GRM7: variants seen among roughly 807,000 people sequenced by gnomAD.
GRM7 encodes metabotropic glutamate receptor 7.
A neutral mutation model predicts 84.5 loss-of-function variants in GRM7; 35 were observed. That is an observed-to-expected ratio of 0.41 (90% CI 0.32 to 0.55). The LOEUF (loss-of-function observed/expected upper bound fraction) is 0.55, where lower values mean the gene tolerates loss of function less well. Among genes scored for constraint, GRM7 ranks in the 20% least tolerant of loss-of-function variants. GRM7 has a pLI of 0.19. For missense variants in GRM7, 1,003 were observed against 1,194.6 expected (o/e 0.84, Z 2.36); for synonymous variants, 487 against 455.1 (o/e 1.07, Z -0.89).
At position 7,151,415 on chromosome 3, in the gene GRM7, C is replaced by CAACA. The variant is rs769071807; in HGVS notation, c.736+4764_736+4767dup. On this transcript the variant is annotated intron_variant, in intron 2 of 9. Coordinates refer to ENST00000357716, the MANE Select transcript of GRM7 (RefSeq NM_000844.4). This position sits in a 1 kb window ranked among gnomAD's most constrained non-coding sequence, Gnocchi z 4.5. ...GAGCAAGACTCTGTCTCAAAACAAA[C>CAACA]AACAAACAAACAAACAAACATACAA... 1.1e-4 allele frequency among the ~76,000 whole-genome samples: 16 copies of CAACA among 152,070 alleles called. No homozygotes were observed. Among genetic ancestry groups the CAACA allele is most frequent in the East Asian group, 3.9e-4 (2 of 5,136 alleles).
At position 7,641,916 on chromosome 3, in the gene GRM7, A is replaced by G. The variant is rs149363413; in HGVS notation, c.2452-38133A>G. 6.6e-4 allele frequency among the ~76,000 whole-genome samples: 99 copies of G among 149,802 alleles called. 1 individual carries two copies. The highest frequency in any genetic ancestry group is 2.1e-3 in the African/African-American group (87 of 40,504). On this transcript the variant is annotated intron_variant, in intron 8 of 9. Transcript: ENST00000357716. ...TTCTATGAGCTCACACTCTCCTACCATGTTTACTTTGAAATCAAGATGGGG... is the reference window on the plus strand; with the variant it reads ...TTCTATGAGCTCACACTCTCCTACCGTGTTTACTTTGAAATCAAGATGGGG...
intron 8 of GRM7, among the ~76,000 whole-genome samples, chr3:7,674,064 T>C (rs1289097426): frequency 2.0e-5 from 3 of 152,008 alleles, no homozygotes; most frequent in Admixed American, 6.5e-5. Context: ...GGATTGAGCA[T>C]CAAATATAAC....
rs1694758446 is a variant in GRM7 at position 6,861,613 on chromosome 3, G to A, written c.225G>A (p.Gly75=). 1.9e-6 allele frequency: 3 copies of A among 1,612,682 alleles called. No homozygotes were observed. The highest frequency in any genetic ancestry group is 1.3e-5 in the African/African-American group (1 of 74,892). Reference sequence around the variant, plus strand: ...GCGGCGACATCAAGAGGGAAAACGGGATCCACAGGCTGGAAGCGATGCTCT... The same window carrying A: ...GCGGCGACATCAAGAGGGAAAACGGAATCCACAGGCTGGAAGCGATGCTCT... ...VPCGDIKREN[G]IHRLEAMLYA... is the part of the protein sequence containing the mutation. The change falls in exon 1 of 10, where the codon GGG becomes GGA. Residue 75 remains glycine (G), a synonymous_variant. Coordinates refer to ENST00000357716, the MANE Select transcript of GRM7 (RefSeq NM_000844.4). This position sits in a 1 kb window ranked among gnomAD's most constrained non-coding sequence, Gnocchi z 6.4.
chr3:6,902,363 G>A (rs551419136), intron 1 of GRM7, among the ~76,000 whole-genome samples: 44 of 152,188 alleles, frequency 2.9e-4, no homozygotes, highest in African/African-American at 1.0e-3. Context: ...CAACCACAAT[G>A]TCTGGGTTAA....
At chr3:7,595,068 T>G (rs1046130393) in intron 8 of GRM7, among the ~76,000 whole-genome samples, 15 of 152,190 alleles carry the variant, frequency 9.9e-5, no homozygotes, top group Non-Finnish European at 1.6e-4. Context: ...ATTGATTGAT[T>G]CATTCATTCA....
intron 8 of GRM7, among the ~76,000 whole-genome samples, chr3:7,634,987 A>G (rs1326933124): frequency 2.0e-5 from 3 of 152,176 alleles, no homozygotes; most frequent in Non-Finnish European, 4.4e-5. Context: ...CACAGGGTAC[A>G]TGGATCAGCA....
chr3:6,949,756 G>A (rs752316577), intron 1 of GRM7, among the ~76,000 whole-genome samples: 51 of 152,064 alleles, frequency 3.4e-4, no homozygotes, highest in Middle Eastern at 3.4e-3. Context: ...TGTTTGTTTC[G>A]TTTTATTCTT....
At chr3:6,867,302 T>G (rs1390916597) in intron 1 of GRM7, among the ~76,000 whole-genome samples, 1 of 152,168 alleles carries the variant, frequency 6.6e-6, no homozygotes, top group Non-Finnish European at 1.5e-5. Flanking sequence ...TAAACATAAT[T>G]CTTTTAGCCC....
At chr3:7,655,493 G>A (rs1478197586) in intron 8 of GRM7, among the ~76,000 whole-genome samples, 2 of 152,162 alleles carry the variant, frequency 1.3e-5, no homozygotes, top group Non-Finnish European at 2.9e-5. Context: ...TCCCAATAAG[G>A]TCACTTTCAA....
chr3:7,534,841 C>A (rs1701180989), intron 7 of GRM7, among the ~76,000 whole-genome samples: 1 of 152,072 alleles, frequency 6.6e-6, no homozygotes, highest in African/African-American at 2.4e-5. Context: ...AAATCTTTGG[C>A]AATAGAAAAA....
At chr3:7,537,577 A>G (rs1701287320) in intron 7 of GRM7, among the ~76,000 whole-genome samples, 1 of 152,190 alleles carries the variant, frequency 6.6e-6, no homozygotes, top group Non-Finnish European at 1.5e-5. Flanking sequence ...GTCCACAGGC[A>G]CTTATTTTTC....
At chr3:7,082,542 G>T (rs887927515) in intron 1 of GRM7, among the ~76,000 whole-genome samples, 3 of 152,066 alleles carry the variant, frequency 2.0e-5, no homozygotes, top group African/African-American at 7.2e-5. Context: ...ATGGACCAAG[G>T]AGTAATTTTG....
At chr3:6,966,832 A>G (rs533932976) in intron 1 of GRM7, among the ~76,000 whole-genome samples, 2 of 152,340 alleles carry the variant, frequency 1.3e-5, no homozygotes, top group South Asian at 4.1e-4. Flanking sequence ...GGAGTTTTGG[A>G]GCAGATATCT....
At chr3:6,948,429 A>G (rs138697630) in intron 1 of GRM7, among the ~76,000 whole-genome samples, 8,265 of 152,188 alleles carry the variant, frequency 0.054, 284 homozygotes, top group African/African-American at 0.082. Context: ...ACAGTTTGTT[A>G]TAATTTCTGT....
At chr3:7,063,368 A>G (rs1697500699) in intron 1 of GRM7, among the ~76,000 whole-genome samples, 1 of 151,732 alleles carries the variant, frequency 6.6e-6, no homozygotes, top group African/African-American at 2.4e-5. Flanking sequence ...GATGGTGACT[A>G]TTGAGTTATT....
At chr3:6,920,356 A>C (rs1318601372) in intron 1 of GRM7, among the ~76,000 whole-genome samples, 1 of 152,164 alleles carries the variant, frequency 6.6e-6, no homozygotes, top group South Asian at 2.1e-4. Context: ...TGAGTTCAAG[A>C]CCAGCCTGGC....
chr3:7,081,399 C>T (rs1559426495), intron 1 of GRM7, among the ~76,000 whole-genome samples: 1 of 152,010 alleles, frequency 6.6e-6, no homozygotes, highest in African/African-American at 2.4e-5. Context: ...TGTGGGGCAC[C>T]ACAAACAGTC....
chr3:7,299,957 T>A (rs1699940537), intron 3 of GRM7, among the ~76,000 whole-genome samples: 1 of 151,800 alleles, frequency 6.6e-6, no homozygotes, highest in Admixed American at 6.6e-5. Flanking sequence ...AAATTTATAA[T>A]GTGATAAAAA....
chr3:7,609,017 A>T (rs546085105), intron 8 of GRM7, among the ~76,000 whole-genome samples: 7 of 152,296 alleles, frequency 4.6e-5, no homozygotes, highest in Admixed American at 1.3e-4. Context: ...CAAAGATTAG[A>T]TGGTCATACA....
Sources: allele counts gnomAD v4.1 joint callset (sites outside exome capture counted in the v4.1 genomes callset), GRCh38; gene constraint gnomAD v4.1.1; non-coding constraint Gnocchi (gnomAD v3.1); transcripts MANE v1.5; gene names NCBI Gene and HGNC (gene_info 2026-07-23, HGNC 2026-07-21).